The following CDH13 variants were observed in gnomAD, a reference collection of about 807,000 sequenced individuals.
The protein encoded by CDH13 is cadherin-13.
A neutral mutation model predicts 63.8 loss-of-function variants in CDH13; 24 were observed. The ratio of observed to expected loss-of-function variants is 0.38; its 90% CI spans 0.27 to 0.53. The LOEUF is 0.53. Ranked by LOEUF, CDH13 falls within the 20% of genes least tolerant of loss-of-function variation. The probability of loss-of-function intolerance (pLI) is 0.85; values close to 1 mark genes in which losing one functional copy is unlikely to be tolerated. For missense variants in CDH13, 1,049 were observed against 903.1 expected (o/e 1.16, Z -2.07); for synonymous variants, 503 against 355.3 (o/e 1.42, Z -4.67).
intron 4 of CDH13, among the ~76,000 whole-genome samples, chr16:83,132,706 G>A (rs2036113295): frequency 1.3e-5 from 2 of 152,070 alleles, no homozygotes; most frequent in South Asian, 2.1e-4. Flanking sequence ...GGGATTACAA[G>A]CATGAGCACC....
At position 83,673,481 on chromosome 16, in the gene CDH13, C is replaced by A. The variant is rs141200482; in HGVS notation, c.1284+2509C>A. On this transcript the variant is annotated intron_variant, in intron 9 of 13. Transcript: ENST00000567109. ...TCAGACCCATAACATTAAGATCACC[C>A]ACATGTTACCCTTAAATTAAGACAT... 3.4e-3 allele frequency among the ~76,000 whole-genome samples: 515 copies of A among 152,260 alleles called. 2 individuals are homozygous for A. The highest frequency in any genetic ancestry group is 0.011 in the African/African-American group (475 of 41,536).
At chr16:83,565,599 G>A (rs1598298676) in intron 7 of CDH13, among the ~76,000 whole-genome samples, 1 of 152,140 alleles carries the variant, frequency 6.6e-6, no homozygotes, top group Non-Finnish European at 1.5e-5. Context: ...CGATCTTTAT[G>A]TGGTGGGTGA....
At chr16:83,255,977 C>T (rs943292516) in intron 5 of CDH13, among the ~76,000 whole-genome samples, 11 of 152,074 alleles carry the variant, frequency 7.2e-5, no homozygotes, top group African/African-American at 2.2e-4. Flanking sequence ...TTGATGCAGA[C>T]CCAACTTCCT....
At chr16:83,182,855 C>A (rs1033718159) in intron 4 of CDH13, among the ~76,000 whole-genome samples, 1 of 152,112 alleles carries the variant, frequency 6.6e-6, no homozygotes, top group Admixed American at 6.5e-5. Context: ...CTTTGTGATT[C>A]TTTTTATCAC....
intron 4 of CDH13, among the ~76,000 whole-genome samples, chr16:83,145,255 C>T (rs140382078): frequency 5.9e-5 from 9 of 152,276 alleles, no homozygotes; most frequent in African/African-American, 2.2e-4. Flanking sequence ...GGGGTGACAC[C>T]AACTCCCCTG....
intron 7 of CDH13, among the ~76,000 whole-genome samples, chr16:83,526,446 A>G: frequency 6.6e-6 from 1 of 152,104 alleles, no homozygotes; most frequent in East Asian, 1.9e-4. Flanking sequence ...AGTTCTTTAG[A>G]TTCTCATAAG....
intron 3 of CDH13, among the ~76,000 whole-genome samples, chr16:83,053,511 T>G (rs528868384): frequency 6.6e-6 from 1 of 152,112 alleles, no homozygotes. Flanking sequence ...GGAGCATAAA[T>G]TGATAAACAC....
chr16:83,275,758 T>A, intron 5 of CDH13, among the ~76,000 whole-genome samples: 1 of 152,246 alleles, frequency 6.6e-6, no homozygotes, highest in Non-Finnish European at 1.5e-5. Flanking sequence ...TCGCCCACTT[T>A]ATGGGAATTA....
At chr16:82,857,341 C>A (rs2039743549) in intron 1 of CDH13, among the ~76,000 whole-genome samples, 2 of 152,196 alleles carry the variant, frequency 1.3e-5, no homozygotes, top group Admixed American at 6.5e-5. Flanking sequence ...AAAATGGTAG[C>A]TTTCATTTGT....
At chr16:83,278,619 C>G (rs2089066513) in intron 5 of CDH13, among the ~76,000 whole-genome samples, 1 of 152,200 alleles carries the variant, frequency 6.6e-6, no homozygotes, top group African/African-American at 2.4e-5. Context: ...AATCCGTTCT[C>G]TCTTTCAACC....
chr16:83,693,914 C>G (rs1479442227), intron 10 of CDH13, among the ~76,000 whole-genome samples: 3 of 152,196 alleles, frequency 2.0e-5, no homozygotes, highest in African/African-American at 7.2e-5. Flanking sequence ...AGTTTAGGAT[C>G]TGGTTGAATG....
chr16:82,975,395 C>T (rs1160582106), intron 2 of CDH13, among the ~76,000 whole-genome samples: 1 of 152,142 alleles, frequency 6.6e-6, no homozygotes, highest in Non-Finnish European at 1.5e-5. Context: ...CGTAGTCAGG[C>T]CTGGGTGTCA....
intron 7 of CDH13, among the ~76,000 whole-genome samples, chr16:83,598,869 G>C (rs1268255048): frequency 2.0e-5 from 3 of 152,182 alleles, no homozygotes; most frequent in Middle Eastern, 3.2e-3. Context: ...AAGTTTAACA[G>C]AAAGATAACT....
At chr16:82,733,397 CG>C (rs1238549336) in intron 1 of CDH13, among the ~76,000 whole-genome samples, 1 of 152,018 alleles carries the variant, frequency 6.6e-6, no homozygotes, top group African/African-American at 2.4e-5. Flanking sequence ...TGATCTATTG[CG>C]TGTATATGTG....
At chr16:83,468,917 T>G (rs547769269) in intron 6 of CDH13, among the ~76,000 whole-genome samples, 20 of 152,276 alleles carry the variant, frequency 1.3e-4, no homozygotes, top group African/African-American at 4.8e-4. Context: ...TGATCTCCCT[T>G]TGGATGCCAG....
chr16:82,872,365 T>G (rs2151190458), intron 2 of CDH13, among the ~76,000 whole-genome samples: 1 of 152,330 alleles, frequency 6.6e-6, no homozygotes, highest in Middle Eastern at 3.4e-3. Flanking sequence ...ACTCACTTGG[T>G]TCTGGAGCTG....
At chr16:82,660,973 A>C (rs1419073285) in intron 1 of CDH13, among the ~76,000 whole-genome samples, 1 of 151,982 alleles carries the variant, frequency 6.6e-6, no homozygotes, top group Non-Finnish European at 1.5e-5. Flanking sequence ...AAGAAGTCAT[A>C]AAAACAAACC....
chr16:83,387,281 C>T (rs551290569), intron 6 of CDH13, among the ~76,000 whole-genome samples: 2 of 152,268 alleles, frequency 1.3e-5, no homozygotes, highest in Admixed American at 6.5e-5. Context: ...CTTTCTTCTG[C>T]AGGAAGAAGG....
At chr16:83,581,114 G>A (rs1873730392) in intron 7 of CDH13, among the ~76,000 whole-genome samples, 1 of 152,132 alleles carries the variant, frequency 6.6e-6, no homozygotes, top group African/African-American at 2.4e-5. Context: ...ATTTCAGCTG[G>A]CATGGAAGGA....
Sources: allele counts gnomAD v4.1 joint callset (sites outside exome capture counted in the v4.1 genomes callset), GRCh38; gene constraint gnomAD v4.1.1; transcripts MANE v1.5; gene names NCBI Gene and HGNC (gene_info 2026-07-23, HGNC 2026-07-21).